DLG2: variants seen among roughly 807,000 people sequenced by gnomAD.
The protein encoded by DLG2 is discs large MAGUK scaffold protein 2.
A neutral mutation model predicts 132.5 loss-of-function variants in DLG2; 45 were observed. The ratio of observed to expected loss-of-function variants is 0.34; its 90% confidence interval spans 0.27 to 0.44. The LOEUF (loss-of-function observed/expected upper bound fraction) is 0.44, where lower values mean the gene tolerates loss of function less well. Among genes scored for constraint, DLG2 ranks in the 20% least tolerant of loss-of-function variants. DLG2 has a pLI of 1.00. For synonymous variants in DLG2, 424 were observed against 419.6 expected (o/e 1.01, Z -0.13); for missense variants, 1,045 against 1,196.9 (o/e 0.87, Z 1.87).
chr11:83,887,807 A>G (rs1315423576), intron 15 of DLG2, among the ~76,000 whole-genome samples: 2 of 151,462 alleles, frequency 1.3e-5, no homozygotes, highest in Admixed American at 6.6e-5. Flanking sequence ...ACGCAAATCA[A>G]TAAATGTAAT....
At chr11:84,735,893 C>T (rs2153817370) in intron 6 of DLG2, among the ~76,000 whole-genome samples, 1 of 151,944 alleles carries the variant, frequency 6.6e-6, no homozygotes, top group South Asian at 2.1e-4. Flanking sequence ...TTTTGAATAC[C>T]AGAAGTTTTT....
chr11:83,533,112 A>T (rs1464047943), intron 20 of DLG2, among the ~76,000 whole-genome samples: 1 of 152,166 alleles, frequency 6.6e-6, no homozygotes, highest in Non-Finnish European at 1.5e-5. Flanking sequence ...CATAAAGATG[A>T]ACACCTATAT....
At chr11:83,997,350 T>C (rs1028487775) in intron 11 of DLG2, among the ~76,000 whole-genome samples, 1 of 152,094 alleles carries the variant, frequency 6.6e-6, no homozygotes, top group East Asian at 1.9e-4. Context: ...GGTCCAACAA[T>C]GCACAGCACC....
At chr11:84,594,700 G>T (rs1400760960) in intron 6 of DLG2, among the ~76,000 whole-genome samples, 1 of 152,192 alleles carries the variant, frequency 6.6e-6, no homozygotes, top group Non-Finnish European at 1.5e-5. Flanking sequence ...AATAGGAAAA[G>T]ACATGCTATA....
intron 7 of DLG2, among the ~76,000 whole-genome samples, chr11:84,311,791 C>T (rs112648770): frequency 6.6e-6 from 1 of 152,216 alleles, no homozygotes; most frequent in African/African-American, 2.4e-5. Context: ...TTTTAATGAA[C>T]CTTCTCTCAC....
At chr11:84,992,142 T>C (rs2057189210) in intron 6 of DLG2, among the ~76,000 whole-genome samples, 1 of 152,206 alleles carries the variant, frequency 6.6e-6, no homozygotes, top group Non-Finnish European at 1.5e-5. Context: ...GTTCTCATGT[T>C]TTCTGAACTT....
chr11:85,063,216 C>A (rs1021048658), intron 6 of DLG2, among the ~76,000 whole-genome samples: 1 of 151,870 alleles, frequency 6.6e-6, no homozygotes, highest in Middle Eastern at 3.4e-3. Flanking sequence ...CTAGGGCAAA[C>A]TGCATCCAAT....
intron 16 of DLG2, 40 bp from the exon 17 acceptor site, chr11:83,833,810 C>T: frequency 1.3e-6 from 2 of 1,584,328 alleles, no homozygotes; most frequent in Non-Finnish European, 1.7e-6. Flanking sequence ...GAGGGTGATC[C>T]ATTTAAGATT....
chr11:84,967,204 T>C (rs1037943356), intron 6 of DLG2, among the ~76,000 whole-genome samples: 2 of 152,116 alleles, frequency 1.3e-5, no homozygotes, highest in Non-Finnish European at 2.9e-5. Flanking sequence ...TCTTGAGCCA[T>C]ACTTGGTTTT....
intron 18 of DLG2, among the ~76,000 whole-genome samples, chr11:83,714,239 C>T (rs750562013): frequency 6.8e-6 from 1 of 147,942 alleles, no homozygotes; most frequent in Non-Finnish European, 1.5e-5. Flanking sequence ...AAAGGGGAAA[C>T]AATTGAGGAA....
At chr11:84,651,782 T>A (rs2099682355) in intron 6 of DLG2, among the ~76,000 whole-genome samples, 1 of 152,352 alleles carries the variant, frequency 6.6e-6, no homozygotes, top group Non-Finnish European at 1.5e-5. Flanking sequence ...GAGACATCTA[T>A]AACTTTGCTT....
intron 6 of DLG2, among the ~76,000 whole-genome samples, chr11:84,979,839 C>CA (rs1269508611): frequency 6.6e-6 from 1 of 150,860 alleles, no homozygotes; most frequent in Non-Finnish European, 1.5e-5. Flanking sequence ...AAAAAAAAAA[C>CA]AAAAAAACTA....
At chr11:84,120,091 G>A (rs1457825919) in intron 9 of DLG2, among the ~76,000 whole-genome samples, 2 of 152,196 alleles carry the variant, frequency 1.3e-5, no homozygotes, top group Admixed American at 6.5e-5. Flanking sequence ...GAATTGGCCA[G>A]TCTTTCAGTG....
chr11:84,910,302 A>G (rs980682190), intron 6 of DLG2, among the ~76,000 whole-genome samples: 4 of 152,162 alleles, frequency 2.6e-5, no homozygotes, highest in African/African-American at 9.7e-5. Flanking sequence ...TAAGTGCTAT[A>G]CTGGTGAAGC....
intron 3 of DLG2, among the ~76,000 whole-genome samples, chr11:85,499,454 T>C (rs997032771): frequency 6.6e-6 from 1 of 152,158 alleles, no homozygotes; most frequent in East Asian, 1.9e-4. Flanking sequence ...CAATAATTAA[T>C]AGCCTACCAA....
At chr11:84,013,080 G>A (rs995842932) in intron 11 of DLG2, among the ~76,000 whole-genome samples, 1 of 152,128 alleles carries the variant, frequency 6.6e-6, no homozygotes, top group African/African-American at 2.4e-5. Flanking sequence ...CAGATCATCT[G>A]TCTTACTTCT....
chr11:84,209,311 A>T (rs75371645), intron 8 of DLG2, among the ~76,000 whole-genome samples: 4,315 of 152,320 alleles, frequency 0.028, 187 homozygotes, highest in African/African-American at 0.096. Context: ...CAAGGTCGCA[A>T]GAAATAAGAA....
chr11:84,930,296 T>A (rs2047937165), intron 6 of DLG2, among the ~76,000 whole-genome samples: 1 of 152,134 alleles, frequency 6.6e-6, no homozygotes, highest in Admixed American at 6.6e-5. Context: ...AAAATTCATC[T>A]CAACCCCACA....
In DLG2 at chr11:85,376,524, G is replaced by A. The variant is rs17810611; in HGVS notation, c.41-91159C>T. Among the ~76,000 whole-genome samples, 29 of 151,986 alleles carry A rather than the reference G, an allele frequency of 1.9e-4. 2 individuals are homozygous for A. In the South Asian group the frequency reaches 6.1e-3, roughly 32 times the overall value. Reference sequence around the variant, plus strand: ...ACTCTATAAGAGTTGTCTTAATCTGGGCAAGAGAGCAGATGTTCTTTCAGT... The same window carrying A: ...ACTCTATAAGAGTTGTCTTAATCTGAGCAAGAGAGCAGATGTTCTTTCAGT... On this transcript the variant is annotated intron_variant, in intron 3 of 27. Coordinates refer to ENST00000376104, the MANE Select transcript of DLG2 (RefSeq NM_001142699.3).
Sources: allele counts gnomAD v4.1 joint callset (sites outside exome capture counted in the v4.1 genomes callset), GRCh38; gene constraint gnomAD v4.1.1; transcripts MANE v1.5; gene names NCBI Gene and HGNC (gene_info 2026-07-23, HGNC 2026-07-21).